CCDC85C: variants seen among roughly 807,000 people sequenced by gnomAD.
CCDC85C encodes coiled-coil domain-containing protein 85C.
CCDC85C carries 18 observed loss-of-function variants against 38.3 expected under a neutral mutation model. That is an observed-to-expected ratio of 0.47 (90% CI 0.33 to 0.70). CCDC85C has a LOEUF of 0.70. Among genes scored for constraint, CCDC85C ranks in the 30% least tolerant of loss-of-function variants. The probability of loss-of-function intolerance (pLI) is 0.03; values close to 1 mark genes in which losing one functional copy is unlikely to be tolerated. For synonymous variants in CCDC85C, 264 were observed against 293.8 expected, an observed-to-expected ratio of 0.90 and a Z score of 1.04; for missense variants, 566 against 621.2, an observed-to-expected ratio of 0.91 and a Z score of 0.94.
chr14:99,554,557 A>G (rs1897975473), intron 1 of CCDC85C, among the ~76,000 whole-genome samples: 1 of 152,154 alleles, frequency 6.6e-6, no homozygotes, highest in Non-Finnish European at 1.5e-5. Flanking sequence ...CAAGCAGGTG[A>G]CAGCAGGAAC....
intron 1 of CCDC85C, among the ~76,000 whole-genome samples, chr14:99,570,677 C>A (rs1017828751): frequency 6.6e-6 from 1 of 152,160 alleles, no homozygotes; most frequent in South Asian, 2.1e-4. Flanking sequence ...TCCAGGGGGT[C>A]TTCCCGGCAC....
At chr14:99,592,260 G>A (rs767944456) in intron 1 of CCDC85C, among the ~76,000 whole-genome samples, 3 of 152,202 alleles carry the variant, frequency 2.0e-5, no homozygotes, top group Non-Finnish European at 2.9e-5. Context: ...GACACCACTC[G>A]GGGTTAGAGC....
intron 1 of CCDC85C, among the ~76,000 whole-genome samples, chr14:99,600,801 C>T (rs934589244): frequency 1.3e-5 from 2 of 152,378 alleles, no homozygotes; most frequent in Admixed American, 1.3e-4. Flanking sequence ...CAGACAGAGA[C>T]TCATTATCTC....
rs192708211 is a variant in CCDC85C at position 99,544,276 on chromosome 14, G to A, written c.794-8188C>T. Among the ~76,000 whole-genome samples, 47 of 152,168 alleles carry A rather than the reference G, an allele frequency of 3.1e-4. No individual in the cohort carries two copies. The highest frequency in any genetic ancestry group is 1.1e-3 in the African/African-American group (44 of 41,528). On this transcript the variant is annotated intron_variant, in intron 1 of 5. Coordinates refer to ENST00000380243, the MANE Select transcript of CCDC85C (RefSeq NM_001144995.2). The surrounding 1 kb of genome is among the most constrained non-coding windows in gnomAD (Gnocchi z 5.3). ...AGCCAAGGCTCTCTCCATCTAACTC[G>A]CAGCTTCCACACCAACCCCGGGGTT... is the stretch of plus-strand genomic sequence containing the variant.
At chr14:99,530,152 G>A (rs1434186650) in intron 2 of CCDC85C, among the ~76,000 whole-genome samples, 1 of 152,178 alleles carries the variant, frequency 6.6e-6, no homozygotes, top group Non-Finnish European at 1.5e-5. Flanking sequence ...TTACACTGCT[G>A]GTGCTAGGGC....
At position 99,603,865 on chromosome 14, in the gene CCDC85C, G is replaced by T. The variant is rs551860394; in HGVS notation, c.95C>A (p.Ala32Glu). Reference protein sequence around the residue: ...ELLRWSKEELARRLRRAEGEK... With the variant: ...ELLRWSKEELERRLRRAEGEK... The stretch of plus-strand genomic sequence containing the variant: ...GCCCTCGGCGCGCCGCAGCCGCCGC[G>T]CCAGCTCCTCCTTGCTCCAGCGCAG... Residue 32 changes from alanine to glutamate, a missense_variant, in exon 1 of 6, where the codon GCG becomes GAG. This residue lies in a region of CCDC85C where 269 missense variants were observed against 308.2 expected (regional missense o/e 0.87). Coordinates refer to ENST00000380243, the MANE Select transcript of CCDC85C (RefSeq NM_001144995.2). This position sits in a 1 kb window ranked among gnomAD's most constrained non-coding sequence, Gnocchi z 7.5. 1 of 1,515,292 alleles carries T rather than the reference G, an allele frequency of 6.6e-7. No homozygotes were observed. The highest frequency in any genetic ancestry group is 1.4e-5 in the African/African-American group (1 of 70,354). 93.9% of individuals were successfully genotyped at this position (1,515,292 alleles called of 1,614,324 possible).
rs538442596 is a variant in CCDC85C, at chr14:99,527,672, C to G, written c.868-5432G>C. ...CTGACCCTCAGAACTGTGCAACCCA[C>G]GCAGAACCCTCAGCCCAGTGCCCAC... On this transcript the variant is annotated intron_variant, in intron 2 of 5. Coordinates refer to ENST00000380243, the MANE Select transcript of CCDC85C (RefSeq NM_001144995.2). Among the ~76,000 whole-genome samples, 202 of 152,328 alleles carry G rather than the reference C, an allele frequency of 1.3e-3. 1 individual carries two copies. Among genetic ancestry groups the G allele is most frequent in the Non-Finnish European group, 3.4e-4 (23 of 68,020 alleles).
At chr14:99,526,948 A>G (rs1466541233) in intron 2 of CCDC85C, among the ~76,000 whole-genome samples, 1 of 148,850 alleles carries the variant, frequency 6.7e-6, no homozygotes, top group African/African-American at 2.5e-5. Context: ...TCCGGCCCCA[A>G]ACTAAAGCCC....
chr14:99,592,296 G>T (rs753117579), intron 1 of CCDC85C, among the ~76,000 whole-genome samples: 1 of 152,198 alleles, frequency 6.6e-6, no homozygotes, highest in Non-Finnish European at 1.5e-5. Flanking sequence ...CTGAGGGGTC[G>T]TGGGTTAGGC....
In CCDC85C at chr14:99,582,460, C is replaced by T. The variant is rs537824166; in HGVS notation, c.793+20707G>A. On this transcript the variant is annotated intron_variant, in intron 1 of 5. Transcript: ENST00000380243. Reference sequence around the variant, plus strand: ...GATGTCTTGTCTATGGTCATACCACCGTGAACGCACCTGATCTCAGCCGAA... The same window carrying T: ...GATGTCTTGTCTATGGTCATACCACTGTGAACGCACCTGATCTCAGCCGAA... Among the ~76,000 whole-genome samples the T allele has an allele frequency of 4.6e-5, 7 of 152,070 alleles. 1 individual carries two copies. Among genetic ancestry groups the T allele is most frequent in the Middle Eastern group, 6.3e-3 (2 of 316 alleles).
intron 1 of CCDC85C, among the ~76,000 whole-genome samples, chr14:99,598,408 C>T (rs1431448592): frequency 6.6e-6 from 1 of 152,204 alleles, no homozygotes; most frequent in Non-Finnish European, 1.5e-5. Flanking sequence ...CAGGCCTGAG[C>T]AAGAGGTCTG....
intron 1 of CCDC85C, among the ~76,000 whole-genome samples, chr14:99,568,246 C>CTTAT (rs1555370978): frequency 8.7e-6 from 1 of 114,488 alleles, no homozygotes; most frequent in Non-Finnish European, 1.7e-5. Flanking sequence ...GCCACCTGCC[C>CTTAT]TTTATTTTTT....
At position 99,509,538 on chromosome 14, in the gene CCDC85C, G is replaced by GCACGCAGCACGCACAGACATGCAGCACA. The variant is rs1360960713; in HGVS notation, c.*5707_*5708insTGTGCTGCATGTCTGTGCGTGCTGCGTG. On this transcript the variant is annotated 3_prime_UTR_variant, in exon 6 of 6. Coordinates refer to ENST00000380243, the MANE Select transcript of CCDC85C (RefSeq NM_001144995.2). ...CGCAGCACGCACAGACATGCAGCACGCACGCAGCACGCACACGCACACACA... is the reference window on the plus strand; with the variant it reads ...CGCAGCACGCACAGACATGCAGCACGCACGCAGCACGCACAGACATGCAGCACACACGCAGCACGCACACGCACACACA... 2.0e-5 allele frequency: 3 copies of GCACGCAGCACGCACAGACATGCAGCACA among 152,206 alleles called. No homozygotes were observed. The highest frequency in any genetic ancestry group is 7.5e-5 in the African/African-American group (3 of 39,894). 9.4% of individuals were successfully genotyped at this position (152,206 alleles called of 1,614,324 possible).
At position 99,502,432 on chromosome 14, in the gene CCDC85C, C is replaced by CA. The variant is rs1896855870; in HGVS notation, c.*12813dup. ...GTGTTCCATGTTGAGATGATTCTTCCATGTGTACCCTGAGTCCCAAGAATG... is the reference window on the plus strand; with the variant it reads ...GTGTTCCATGTTGAGATGATTCTTCCAATGTGTACCCTGAGTCCCAAGAATG... On this transcript the variant is annotated 3_prime_UTR_variant, in exon 6 of 6. Coordinates refer to ENST00000380243, the MANE Select transcript of CCDC85C (RefSeq NM_001144995.2). 6 of 1,573,382 alleles carry CA rather than the reference C, an allele frequency of 3.8e-6. No individual in the cohort carries two copies. The highest frequency in any genetic ancestry group is 5.2e-6 in the Non-Finnish European group (6 of 1,160,374).
chr14:99,562,954 T>C (rs1459459942), intron 1 of CCDC85C, among the ~76,000 whole-genome samples: 4 of 152,190 alleles, frequency 2.6e-5, no homozygotes, highest in South Asian at 4.1e-4. Context: ...GGAAAGAGTA[T>C]TGAGCTGGGG....
chr14:99,564,379 G>A (rs1898175343), intron 1 of CCDC85C, among the ~76,000 whole-genome samples: 1 of 152,176 alleles, frequency 6.6e-6, no homozygotes, highest in African/African-American at 2.4e-5. Context: ...CTGACCCCAG[G>A]ACATGCCCCA....
At position 99,516,558 on chromosome 14, in the gene CCDC85C, C is replaced by T. The variant is rs535249848; in HGVS notation, c.1072-272G>A. On this transcript the variant is annotated intron_variant, in intron 4 of 5. Coordinates refer to ENST00000380243, the MANE Select transcript of CCDC85C (RefSeq NM_001144995.2). The surrounding 1 kb of genome is among the most constrained non-coding windows in gnomAD (Gnocchi z 5.5). ...CAAGGAAGACCCTCAGACAGGTGGA[C>T]TCACTGCAACCCAGGGCCCGCTGGA... 3.3e-5 allele frequency among the ~76,000 whole-genome samples: 5 copies of T among 152,274 alleles called. No homozygotes were observed. In the East Asian group the frequency reaches 9.6e-4, roughly 29 times the overall value.
chr14:99,571,727 C>T (rs1718679746), intron 1 of CCDC85C, among the ~76,000 whole-genome samples: 2 of 152,220 alleles, frequency 1.3e-5, no homozygotes, highest in Admixed American at 1.3e-4. Context: ...ATCACATGCA[C>T]AGGGTAATTT....
At chr14:99,594,334 A>C (rs868228847) in intron 1 of CCDC85C, among the ~76,000 whole-genome samples, 1 of 152,186 alleles carries the variant, frequency 6.6e-6, no homozygotes, top group African/African-American at 2.4e-5. Context: ...CTTTAAGCAG[A>C]GGCAATCAGA....
Sources: allele counts gnomAD v4.1 joint callset (sites outside exome capture counted in the v4.1 genomes callset), GRCh38; gene constraint gnomAD v4.1.1; regional missense constraint gnomAD v4.1.1; non-coding constraint Gnocchi (gnomAD v3.1); transcripts MANE v1.5; gene names NCBI Gene and HGNC (gene_info 2026-07-23, HGNC 2026-07-21).